Variants in FAM118B observed in about 807,000 individuals in gnomAD.
The protein encoded by FAM118B is protein FAM118B.
FAM118B carries 24 observed loss-of-function variants against 38.5 expected under a neutral mutation model. The observed-to-expected ratio is 0.62, with a 90% CI of 0.45 to 0.88. The LOEUF (loss-of-function observed/expected upper bound fraction) is 0.88. FAM118B is among the 40% of genes least tolerant of loss of function. The pLI, the probability that FAM118B is intolerant of heterozygous loss-of-function variation, is 0.00. For missense variants in FAM118B, 334 were observed against 420.0 expected, an observed-to-expected ratio of 0.80 and a Z score of 1.79; for synonymous variants, 138 against 156.3, an observed-to-expected ratio of 0.88 and a Z score of 0.87.
Position 126,261,441 on chromosome 11 carries a change from A to T in FAM118B, c.999A>T (p.Glu333Asp), listed in dbSNP as rs1950696154. 7.4e-6 allele frequency: 12 copies of T among 1,613,960 alleles called. No homozygotes were observed. In the East Asian group the frequency reaches 8.9e-5, roughly 12 times the overall value. Residue 333 changes from glutamate to aspartate, a missense_variant, in exon 8 of 9, where the codon GAA (glutamate) becomes GAT (aspartate). Transcript: ENST00000533050. ...TCTATTTAGCAGGGATGGTGAGAGA[A>T]GGTCAGCTAAATGGCTCATCTGCAG... ...TRGTSAGMVR[E>D]GQLNGSSAAH...
rs1358498940 is a variant in FAM118B, at chr11:126,250,082, T to C, written c.340-424T>C. 7.0e-6 allele frequency among the ~76,000 whole-genome samples: 1 copy of C among 143,874 alleles called. No homozygotes were observed. Among genetic ancestry groups the C allele is most frequent in the East Asian group, 2.2e-4 (1 of 4,558 alleles). 94.4% of individuals were successfully genotyped at this position (143,874 alleles called of 152,430 possible). Reference sequence around the variant, plus strand: ...CGTTCGTATGAGATAGATAATATTTTATCCCCGGGATTTTTTTTTTTTTTT... The same window carrying C: ...CGTTCGTATGAGATAGATAATATTTCATCCCCGGGATTTTTTTTTTTTTTT... On this transcript the variant is annotated intron_variant, in intron 4 of 8. Transcript: ENST00000533050. This position sits in a 1 kb window ranked among gnomAD's most constrained non-coding sequence, Gnocchi z 5.1.
intron 2 of FAM118B, among the ~76,000 whole-genome samples, chr11:126,231,257 G>A (rs186356134): frequency 1.5e-3 from 223 of 152,254 alleles, no homozygotes; most frequent in Middle Eastern, 3.4e-3. Flanking sequence ...TTGTTTTCTT[G>A]TGGCAGAAAA....
chr11:126,222,311 A>G (rs1451660812), intron 1 of FAM118B, among the ~76,000 whole-genome samples: 2 of 152,236 alleles, frequency 1.3e-5, no homozygotes, highest in Non-Finnish European at 2.9e-5. Flanking sequence ...CAATACTAAT[A>G]TTCTTAGCAC....
chr11:126,262,170 G>T lies in FAM118B; in HGVS notation c.*37G>T, dbSNP rs1168041174. The T allele has an allele frequency of 7.5e-6, 12 of 1,608,736 alleles. No individual in the cohort carries two copies. The highest frequency in any genetic ancestry group is 1.0e-5 in the Non-Finnish European group (12 of 1,175,196). On this transcript the variant is annotated 3_prime_UTR_variant, in exon 9 of 9. Coordinates refer to ENST00000533050, the MANE Select transcript of FAM118B (RefSeq NM_024556.4). Reference sequence around the variant, plus strand: ...AAATCACCACCGTTTAGACCAAGCTGTAAGGCCCTACTACAGACAGTGTTT... The same window carrying T: ...AAATCACCACCGTTTAGACCAAGCTTTAAGGCCCTACTACAGACAGTGTTT...
intron 1 of FAM118B, among the ~76,000 whole-genome samples, chr11:126,215,714 A>AC (rs1949969665): frequency 6.7e-6 from 1 of 149,368 alleles, no homozygotes; most frequent in Non-Finnish European, 1.5e-5. Flanking sequence ...AAAAAAAAAA[A>AC]AATGTCCTAA....
chr11:126,211,753 C>G, upstream of FAM118B: 2 of 1,238,676 alleles, frequency 1.6e-6, no homozygotes, highest in South Asian at 2.9e-5. Flanking sequence ...GGGCGAGTCA[C>G]GTGGGGACGG....
Position 126,253,964 on chromosome 11 carries a change from C to T in FAM118B, c.568-341C>T, listed in dbSNP as rs1950539940. On this transcript the variant is annotated intron_variant, in intron 5 of 8. Coordinates refer to ENST00000533050, the MANE Select transcript of FAM118B (RefSeq NM_024556.4). The surrounding 1 kb of genome is among the most constrained non-coding windows in gnomAD (Gnocchi z 5.1). ...GAGGGGCCACACAAGGGCCTGGATA[C>T]AGAGGCTTGATTTCTTGGGGCGATC... 6.6e-6 allele frequency among the ~76,000 whole-genome samples: 1 copy of T among 152,210 alleles called. No individual in the cohort carries two copies. The highest frequency in any genetic ancestry group is 2.4e-5 in the African/African-American group (1 of 41,452).
intron 4 of FAM118B, among the ~76,000 whole-genome samples, chr11:126,245,725 A>C (rs991942803): frequency 1.3e-5 from 2 of 152,120 alleles, no homozygotes; most frequent in African/African-American, 4.8e-5. Context: ...GGCCGAGCGC[A>C]GTGGCTAACT....
chr11:126,262,342 AG>A lies in FAM118B; in HGVS notation c.*210del. 3.6e-6 allele frequency: 2 copies of A among 557,784 alleles called. No individual in the cohort carries two copies. Among genetic ancestry groups the A allele is most frequent in the Non-Finnish European group, 3.2e-6 (1 of 314,822 alleles). 34.6% of individuals were successfully genotyped at this position (557,784 alleles called of 1,614,324 possible). On this transcript the variant is annotated 3_prime_UTR_variant, in exon 9 of 9. Transcript: ENST00000533050. ...ATATTCTGCCGCCTGTTCAAGTTCA[AG>A]AATAAAAGCGACAGCAGGACCCAAA...
chr11:126,261,074 C>T (rs944653063), intron 7 of FAM118B: 5 of 188,558 alleles, frequency 2.7e-5, no homozygotes, highest in Non-Finnish European at 5.4e-5. Context: ...GCCATTTGCC[C>T]ATCCCTGGTG....
intron 2 of FAM118B, among the ~76,000 whole-genome samples, chr11:126,232,713 A>T (rs1166830234): frequency 4.0e-5 from 6 of 151,122 alleles, no homozygotes; most frequent in East Asian, 1.9e-4. Context: ...CTTAAAAAAT[A>T]TTTTTTTTTA....
chr11:126,235,894 G>A (rs1340552596), intron 3 of FAM118B, among the ~76,000 whole-genome samples: 12 of 131,692 alleles, frequency 9.1e-5, no homozygotes, highest in Admixed American at 7.0e-4. Flanking sequence ...AATGCGTAAC[G>A]ATTATGTTTC....
At chr11:126,214,527 T>TAA (rs528661592) in intron 1 of FAM118B, 1 of 123,320 alleles carries the variant, frequency 8.1e-6, no homozygotes, top group Admixed American at 9.8e-5. Context: ...TTTTTTTTTT[T>TAA]ACCTCTATAT....
At chr11:126,223,023 A>G (rs946119536) in intron 1 of FAM118B, among the ~76,000 whole-genome samples, 1 of 126,428 alleles carries the variant, frequency 7.9e-6, no homozygotes, top group Non-Finnish European at 1.6e-5. Flanking sequence ...TGAGATGCCA[A>G]GGAGGAGGGT....
At chr11:126,224,184 T>C (rs1950106210) in intron 1 of FAM118B, among the ~76,000 whole-genome samples, 1 of 152,056 alleles carries the variant, frequency 6.6e-6, no homozygotes, top group Admixed American at 6.6e-5. Flanking sequence ...ACAATAAATA[T>C]AATTAGGGCC....
intron 4 of FAM118B, among the ~76,000 whole-genome samples, chr11:126,241,835 C>A (rs1291803003): frequency 6.6e-6 from 1 of 152,052 alleles, no homozygotes; most frequent in Non-Finnish European, 1.5e-5. Flanking sequence ...TAGGCATGAG[C>A]CACTGCACCC....
chr11:126,243,139 G>A (rs1458649472), intron 4 of FAM118B, among the ~76,000 whole-genome samples: 1 of 152,204 alleles, frequency 6.6e-6, no homozygotes, highest in Admixed American at 6.5e-5. Flanking sequence ...CATATAAAAT[G>A]TCCAGAACAG....
chr11:126,233,811 A>G, intron 2 of FAM118B: 1 of 446,046 alleles, frequency 2.2e-6, no homozygotes, highest in South Asian at 1.6e-5. Flanking sequence ...GGCTGGGTGC[A>G]GTGGCTCATG....
intron 3 of FAM118B, among the ~76,000 whole-genome samples, chr11:126,235,685 A>AT (rs1237797631): frequency 3.3e-5 from 5 of 151,902 alleles, no homozygotes; most frequent in Non-Finnish European, 7.4e-5. Flanking sequence ...TGCCCAGCTA[A>AT]TTTTTTTGTA....
Sources: gnomAD v4.1 joint callset for allele counts (sites outside exome capture counted in the v4.1 genomes callset) on GRCh38, gnomAD v4.1.1 for gene constraint, Gnocchi (gnomAD v3.1) non-coding constraint, MANE v1.5 for transcripts, NCBI Gene and HGNC (gene_info 2026-07-23, HGNC 2026-07-21) for gene names.